Variants in ABCC9 observed in about 807,000 individuals in gnomAD.
ABCC9 encodes ATP-binding cassette sub-family C member 9.
ABCC9 carries 95 observed loss-of-function variants against 188.3 expected under a neutral mutation model. The ratio of observed to expected loss-of-function variants is 0.50; its 90% CI spans 0.43 to 0.60. The LOEUF is 0.60. ABCC9 is among the 20% of genes least tolerant of loss of function. ABCC9 has a pLI of 0.00. For synonymous variants in ABCC9, 659 were observed against 652.7 expected, an observed-to-expected ratio of 1.01 and a Z score of -0.15; for missense variants, 1,102 against 1,876.3, an observed-to-expected ratio of 0.59 and a Z score of 7.62.
intron 2 of ABCC9, among the ~76,000 whole-genome samples, chr12:21,937,090 A>G (rs1343758147): frequency 6.6e-6 from 1 of 152,186 alleles, no homozygotes; most frequent in Non-Finnish European, 1.5e-5. Context: ...ATTTTCCCAT[A>G]CTCACTGAAA....
chr12:21,849,120 A>G (rs926048157), intron 24 of ABCC9, among the ~76,000 whole-genome samples: 8 of 152,038 alleles, frequency 5.3e-5, no homozygotes, highest in African/African-American at 1.7e-4. Flanking sequence ...ATTCTAAACA[A>G]CTAACCCACA....
chr12:21,872,144 C>CA (rs1179158887), intron 18 of ABCC9, among the ~76,000 whole-genome samples: 1 of 152,102 alleles, frequency 6.6e-6, no homozygotes, highest in African/African-American at 2.4e-5. Flanking sequence ...TCCAACTAGA[C>CA]GCTTCTAGTA....
At chr12:21,895,743 C>A (rs1947371375) in intron 12 of ABCC9, among the ~76,000 whole-genome samples, 1 of 152,202 alleles carries the variant, frequency 6.6e-6, no homozygotes. Context: ...ACTTCGAGTT[C>A]TCTTTCCAGC....
chr12:21,808,916 T>C (rs575898096), intron 37 of ABCC9, among the ~76,000 whole-genome samples: 129 of 152,232 alleles, frequency 8.5e-4, no homozygotes, highest in African/African-American at 2.9e-3. Context: ...GTTTGTGGCA[T>C]ACTCTCTCCT....
chr12:21,816,052 TTTTTTTTTTTTTTTTTTTTTTTTTTTTTA>T (rs1942612932), intron 33 of ABCC9, among the ~76,000 whole-genome samples, 159 bp from the exon 34 acceptor site: 1 of 80,056 alleles, frequency 1.2e-5, no homozygotes, highest in Non-Finnish European at 2.3e-5. Context: ...TTTTTTTTTT[TTTTTTTTTTTTTTTTTTTTTTTTTTTTTA>T]GTTTAAATCA....
intron 30 of ABCC9, among the ~76,000 whole-genome samples, chr12:21,829,400 A>G (rs1271408042): frequency 1.3e-5 from 2 of 151,664 alleles, no homozygotes; most frequent in South Asian, 2.1e-4. Flanking sequence ...ACGAGGTTTC[A>G]CCGTGTTAGC....
At chr12:21,829,828 C>T (rs978685962) in intron 30 of ABCC9, among the ~76,000 whole-genome samples, 6 of 152,202 alleles carry the variant, frequency 3.9e-5, no homozygotes, top group Admixed American at 3.3e-4. Context: ...AGTGCTGGCA[C>T]AGAACCAGGG....
rs1161940271 is a variant in ABCC9 at position 21,838,089 on chromosome 12, A to G, written c.3555T>C (p.Ile1185=). Residue 1185 remains isoleucine (I), a synonymous_variant, in exon 30 of 40, where the codon ATT becomes ATC. Transcript: ENST00000261200. ...FSETAEGLTT[I]RAFRHETRFK... is the part of the protein sequence containing the mutation. ...ATGTGTTTACTCACCTAAAGGCCCG[A>G]ATGGTGGTGAGTCCTTCTGCTGTTT... is the stretch of plus-strand genomic sequence containing the variant. 2 of 1,613,692 alleles carry G rather than the reference A, an allele frequency of 1.2e-6. No homozygotes were observed. The highest frequency in any genetic ancestry group is 1.7e-5 in the Admixed American group (1 of 60,010).
intron 4 of ABCC9, 77 bp downstream of exon 4, chr12:21,933,705 T>A: frequency 6.4e-7 from 1 of 1,553,162 alleles, no homozygotes; most frequent in Non-Finnish European, 8.9e-7. Flanking sequence ...TGGGCACAAG[T>A]TACAAAGATG....
At chr12:21,847,040 G>T (rs1217080987) in intron 25 of ABCC9, among the ~76,000 whole-genome samples, 1 of 152,044 alleles carries the variant, frequency 6.6e-6, no homozygotes, top group Non-Finnish European at 1.5e-5. Flanking sequence ...CTGTTGGCTT[G>T]AGCATTCTGA....
Position 21,915,514 on chromosome 12 carries a change from A to ATATATATATATTTTTTTTT in ABCC9, c.816+153_816+154insAAAAAAAAATATATATATA. Among the ~76,000 whole-genome samples, 16 of 3,522 alleles carry ATATATATATATTTTTTTTT rather than the reference A, an allele frequency of 4.5e-3. 2 individuals are homozygous for ATATATATATATTTTTTTTT. Among genetic ancestry groups the ATATATATATATTTTTTTTT allele is most frequent in the Non-Finnish European group, 7.0e-3 (15 of 2,144 alleles). 2.3% of individuals were successfully genotyped at this position (3,522 alleles called of 152,430 possible). A position where few individuals can be genotyped will look rare whatever the true frequency, so the allele number is the denominator to read the frequency against. ...TGTGTGTGTGTGTATATATATATAT[A>ATATATATATATTTTTTTTT]TTTTTTTTTTTTTTTTGAGACAGAG... On this transcript the variant is annotated intron_variant, in intron 7 of 39. Transcript: ENST00000261200.
chr12:21,888,303 A>G (rs1384609644), intron 14 of ABCC9, among the ~76,000 whole-genome samples: 1 of 152,144 alleles, frequency 6.6e-6, no homozygotes, highest in Non-Finnish European at 1.5e-5. Context: ...CTAATGAGGA[A>G]AGTCCTCTTA....
intron 5 of ABCC9, among the ~76,000 whole-genome samples, chr12:21,921,112 G>A (rs182553430): frequency 6.6e-6 from 1 of 152,176 alleles, no homozygotes; most frequent in Non-Finnish European, 1.5e-5. Flanking sequence ...GAATTGTATG[G>A]TAGCTCAACT....
chr12:21,897,864 A>AG (rs1385425546), intron 12 of ABCC9, among the ~76,000 whole-genome samples: 1 of 358 alleles, frequency 2.8e-3, no homozygotes, highest in Non-Finnish European at 6.0e-3. Context: ...TATTTGACTC[A>AG]ATACCAACAC....
intron 20 of ABCC9, 83 bp from the exon 21 acceptor site, chr12:21,861,138 G>A (rs1945484064): frequency 8.8e-7 from 1 of 1,129,944 alleles, no homozygotes. Context: ...TACTTTGGAA[G>A]TTGAAATAAA....
At chr12:21,924,539 A>T (rs1676023400) in intron 5 of ABCC9, 2 of 152,062 alleles carry the variant, frequency 1.3e-5, no homozygotes, top group South Asian at 4.1e-4. Flanking sequence ...AACAAGAAAT[A>T]TTATATTTTA....
intron 12 of ABCC9, among the ~76,000 whole-genome samples, chr12:21,900,909 A>G (rs903039493): frequency 6.6e-6 from 1 of 152,214 alleles, no homozygotes; most frequent in Non-Finnish European, 1.5e-5. Context: ...GACCTCCCCA[A>G]CCTAGCAAGG....
At chr12:21,864,189 G>T (rs899207953) in intron 19 of ABCC9, among the ~76,000 whole-genome samples, 2 of 152,020 alleles carry the variant, frequency 1.3e-5, no homozygotes, top group African/African-American at 2.4e-5. Context: ...AGGATAGTTT[G>T]AGTTTCAGCC....
Position 21,848,147 on chromosome 12 carries a change from T to G in ABCC9, c.2866+3A>C. 6.2e-7 allele frequency: 1 copy of G among 1,612,814 alleles called. No homozygotes were observed. Among genetic ancestry groups the G allele is most frequent in the South Asian group, 1.1e-5 (1 of 91,046 alleles). On this transcript the variant is annotated splice_donor_region_variant and intron_variant, in intron 25 of 39. Coordinates refer to ENST00000261200, the MANE Select transcript of ABCC9 (RefSeq NM_020297.4). ...TGTTCCAGATAAAAGAAAAAAGATC[T>G]ACCTTCGTCTTCGTCCTCCATCTGG... is the stretch of plus-strand genomic sequence containing the variant.
Sources: allele counts gnomAD v4.1 joint callset (sites outside exome capture counted in the v4.1 genomes callset), GRCh38; gene constraint gnomAD v4.1.1; transcripts MANE v1.5; gene names NCBI Gene and HGNC (gene_info 2026-07-23, HGNC 2026-07-21).